Variants in SH3RF1 observed in about 807,000 individuals in gnomAD.
SH3RF1 encodes the protein E3 ubiquitin-protein ligase SH3RF1.
A neutral mutation model predicts 74.0 loss-of-function variants in SH3RF1; 32 were observed. The observed-to-expected ratio is 0.43, with a 90% CI of 0.33 to 0.58. The LOEUF is 0.58. SH3RF1 is among the 20% of genes least tolerant of loss of function. The probability of loss-of-function intolerance (pLI) is 0.05; values close to 1 mark genes in which losing one functional copy is unlikely to be tolerated. For synonymous variants in SH3RF1, 396 were observed against 439.6 expected, an observed-to-expected ratio of 0.90 and a Z score of 1.24; for missense variants, 954 against 1,130.9, an observed-to-expected ratio of 0.84 and a Z score of 2.24.
At chr4:169,120,020 T>C (rs1390110166) in intron 8 of SH3RF1, among the ~76,000 whole-genome samples, 1 of 152,210 alleles carries the variant, frequency 6.6e-6, no homozygotes, top group African/African-American at 2.4e-5. Context: ...ACAGGGTTTC[T>C]CAACCTCAGT....
intron 2 of SH3RF1, among the ~76,000 whole-genome samples, chr4:169,192,938 G>A (rs527902373): frequency 6.8e-6 from 1 of 147,464 alleles, no homozygotes; most frequent in African/African-American, 2.5e-5. Context: ...TATATATGAT[G>A]GAATACTACT....
intron 4 of SH3RF1, among the ~76,000 whole-genome samples, chr4:169,150,742 C>T (rs924992808): frequency 6.6e-6 from 1 of 152,078 alleles, no homozygotes; most frequent in Non-Finnish European, 1.5e-5. Flanking sequence ...CTTGAGCATC[C>T]GCAGATTTGG....
intron 2 of SH3RF1, among the ~76,000 whole-genome samples, chr4:169,194,888 A>T (rs1364580103): frequency 6.6e-6 from 1 of 152,208 alleles, no homozygotes; most frequent in Non-Finnish European, 1.5e-5. Context: ...GTAACAAATG[A>T]CATTGAGCAC....
At chr4:169,157,939 A>G (rs1734087245) in intron 2 of SH3RF1, among the ~76,000 whole-genome samples, 1 of 149,048 alleles carries the variant, frequency 6.7e-6, no homozygotes, top group South Asian at 2.1e-4. Flanking sequence ...GGGTCTCGCC[A>G]TGTTGGCCAG....
intron 2 of SH3RF1, among the ~76,000 whole-genome samples, chr4:169,219,237 G>A (rs1730522006): frequency 6.6e-6 from 1 of 152,152 alleles, no homozygotes; most frequent in Non-Finnish European, 1.5e-5. Flanking sequence ...GCAATAATGA[G>A]TATACATACT....
intron 2 of SH3RF1, among the ~76,000 whole-genome samples, chr4:169,159,525 C>G (rs1382962113): frequency 1.3e-5 from 2 of 152,116 alleles, no homozygotes; most frequent in African/African-American, 4.8e-5. Flanking sequence ...GGTGTGAATC[C>G]CATTTACTAG....
At position 169,248,920 on chromosome 4, in the gene SH3RF1, A is replaced by T. The variant is rs544095640; in HGVS notation, c.393+19900T>A. Among the ~76,000 whole-genome samples, 13 of 152,300 alleles carry T rather than the reference A, an allele frequency of 8.5e-5. No homozygotes were observed. The South Asian group carries it at 2.7e-3, about 32-fold the overall frequency. On this transcript the variant is annotated intron_variant, in intron 2 of 11. Coordinates refer to ENST00000284637, the MANE Select transcript of SH3RF1 (RefSeq NM_020870.4). Reference sequence around the variant, plus strand: ...GTGTTGCCAATGTGATGGTATTAAGAAGTAGGGCCTTTAAGAGGCAATTAG... The same window carrying T: ...GTGTTGCCAATGTGATGGTATTAAGTAGTAGGGCCTTTAAGAGGCAATTAG...
At chr4:169,100,282 C>T (rs1322295998) in intron 11 of SH3RF1, among the ~76,000 whole-genome samples, 2 of 152,174 alleles carry the variant, frequency 1.3e-5, no homozygotes, top group African/African-American at 4.8e-5. Context: ...ATCCCATCCA[C>T]TCCTCTTCAT....
chr4:169,140,018 T>C (rs1210974915), intron 4 of SH3RF1, among the ~76,000 whole-genome samples: 2 of 152,240 alleles, frequency 1.3e-5, no homozygotes, highest in Non-Finnish European at 2.9e-5. Context: ...TTTTTATGCA[T>C]GGACAGTAAT....
intron 2 of SH3RF1, among the ~76,000 whole-genome samples, chr4:169,261,141 G>C (rs896163990): frequency 4.6e-5 from 7 of 152,024 alleles, no homozygotes; most frequent in Admixed American, 4.6e-4. Flanking sequence ...CTATGGCTCC[G>C]CATCTTTGAG....
intron 11 of SH3RF1, among the ~76,000 whole-genome samples, chr4:169,105,939 C>T (rs1733125957): frequency 1.3e-5 from 2 of 152,082 alleles, no homozygotes; most frequent in Non-Finnish European, 2.9e-5. Context: ...CAAGCTTGTC[C>T]AACCCGTGGG....
chr4:169,152,512 C>T (rs998299970), intron 4 of SH3RF1, among the ~76,000 whole-genome samples: 9 of 152,228 alleles, frequency 5.9e-5, no homozygotes, highest in African/African-American at 1.9e-4. Context: ...CAGAGGCAGG[C>T]GGATCACCTA....
At chr4:169,200,684 G>A (rs1004376619) in intron 2 of SH3RF1, among the ~76,000 whole-genome samples, 5 of 152,066 alleles carry the variant, frequency 3.3e-5, no homozygotes, top group Admixed American at 6.6e-5. Context: ...GTTCAACTAC[G>A]TGCTCCCTTT....
chr4:169,230,135 C>T (rs139232401), intron 2 of SH3RF1, among the ~76,000 whole-genome samples: 270 of 152,248 alleles, frequency 1.8e-3, no homozygotes, highest in African/African-American at 6.1e-3. Flanking sequence ...AACCCAGGGG[C>T]GGAGGCTGCA....
chr4:169,159,389 TAG>T (rs976721451), intron 2 of SH3RF1, among the ~76,000 whole-genome samples: 18 of 151,816 alleles, frequency 1.2e-4, no homozygotes, highest in Admixed American at 1.1e-3. Flanking sequence ...GAGAGAGAGA[TAG>T]AGAGAGAGAA....
intron 2 of SH3RF1, among the ~76,000 whole-genome samples, chr4:169,260,220 G>A (rs1332841232): frequency 2.6e-5 from 4 of 152,122 alleles, no homozygotes; most frequent in Non-Finnish European, 4.4e-5. Flanking sequence ...CCTTTTTTGA[G>A]CCTCTGATTT....
intron 2 of SH3RF1, among the ~76,000 whole-genome samples, chr4:169,164,044 G>C (rs1013342272): frequency 6.6e-6 from 1 of 152,184 alleles, no homozygotes; most frequent in Non-Finnish European, 1.5e-5. Flanking sequence ...CCTTGGGGAA[G>C]CTTCTCCCAA....
chr4:169,133,074 T>A (rs76321629), intron 5 of SH3RF1, among the ~76,000 whole-genome samples: 7 of 152,172 alleles, frequency 4.6e-5, no homozygotes, highest in African/African-American at 1.7e-4. Context: ...AATTTGGACG[T>A]GACAGTGACA....
At chr4:169,168,992 A>G (rs1052902482) in intron 2 of SH3RF1, among the ~76,000 whole-genome samples, 2 of 152,224 alleles carry the variant, frequency 1.3e-5, no homozygotes, top group Non-Finnish European at 2.9e-5. Context: ...AAAGTCTGTC[A>G]TGACCTTCTA....
Sources: allele counts gnomAD v4.1 joint callset (sites outside exome capture counted in the v4.1 genomes callset), GRCh38; gene constraint gnomAD v4.1.1; transcripts MANE v1.5; gene names NCBI Gene and HGNC (gene_info 2026-07-23, HGNC 2026-07-21).